PLEKHO2: variants seen among roughly 807,000 people sequenced by gnomAD.
The protein encoded by PLEKHO2 is pleckstrin homology domain containing O2, also known as pleckstrin homology domain-containing family O member 2.
Under a neutral mutation model 32.7 loss-of-function variants are expected in PLEKHO2, and 20 were observed. The observed-to-expected ratio is 0.61, with a 90% confidence interval of 0.43 to 0.89. The LOEUF is 0.89. Ranked by LOEUF, PLEKHO2 falls within the 40% of genes least tolerant of loss-of-function variation. The probability of loss-of-function intolerance (pLI) is 0.00; values close to 1 mark genes in which losing one functional copy is unlikely to be tolerated. For synonymous variants in PLEKHO2, 247 were observed against 246.3 expected (o/e 1.00, Z -0.03); for missense variants, 568 against 621.2 (o/e 0.91, Z 0.91).
At position 64,867,548 on chromosome 15, in the gene PLEKHO2, C is replaced by T. The variant is rs1567100009; in HGVS notation, c.*1660C>T. On this transcript the variant is annotated 3_prime_UTR_variant, in exon 6 of 6. Coordinates refer to ENST00000323544, the MANE Select transcript of PLEKHO2 (RefSeq NM_025201.5). ...GCCCAGTCATGTGATCCCCTGCCAT[C>T]TTGCCTTAGGAACAGCCTTCCCCCA... 6.6e-6 allele frequency: 1 copy of T among 152,296 alleles called. No individual in the cohort carries two copies. The highest frequency in any genetic ancestry group is 1.5e-5 in the Non-Finnish European group (1 of 68,076). The allele number at this position is 152,296 out of a possible 1,614,324, so 9.4% of individuals were successfully genotyped here.
chr15:64,854,985 C>T lies in PLEKHO2; in HGVS notation c.227C>T (p.Ala76Val), dbSNP rs2084596846. ...GSYEKCQDLR[A>V]LLKRKHRFIL... The stretch of plus-strand genomic sequence containing the variant: ...TATGAGAAGTGCCAGGACCTTCGTG[C>T]CCTCCTCAAGCGAAAACACCGCTTT... Residue 76 changes from alanine (A) to valine (V), a missense_variant, in exon 3 of 6, where the codon GCC (alanine) becomes GTC (valine). Physicochemically the swap from Ala to Val is moderately conservative, Grantham distance 64. Coordinates refer to ENST00000323544, the MANE Select transcript of PLEKHO2 (RefSeq NM_025201.5). 2 of 1,607,682 alleles carry T rather than the reference C, an allele frequency of 1.2e-6. No homozygotes were observed. Among genetic ancestry groups the T allele is most frequent in the South Asian group, 2.2e-5 (2 of 89,470 alleles).
Position 64,865,139 on chromosome 15 carries a change from C to G in PLEKHO2, c.724C>G (p.Pro242Ala). ...TGTCTCAGCAAGCTCTGAGGTCTCC[C>G]CTGAGAGCCAAGAGGACTCAGAGAC... The part of the protein sequence containing the change: ...TPVSASSEVS[P>A]ESQEDSETPA... Residue 242 changes from proline (P) to alanine (A), a missense_variant, in exon 6 of 6, where the codon CCT becomes GCT. Coordinates refer to ENST00000323544, the MANE Select transcript of PLEKHO2 (RefSeq NM_025201.5). The G allele has an allele frequency of 6.2e-7, 1 of 1,614,106 alleles. No homozygotes were observed. Among genetic ancestry groups the G allele is most frequent in the Non-Finnish European group, 8.5e-7 (1 of 1,180,000 alleles).
chr15:64,857,516 G>T (rs1475398886), intron 3 of PLEKHO2, among the ~76,000 whole-genome samples: 1 of 152,126 alleles, frequency 6.6e-6, no homozygotes, highest in East Asian at 1.9e-4. Context: ...CATATTTTTT[G>T]TAGAGATGGG....
rs140165729 is a variant in PLEKHO2 at position 64,864,023 on chromosome 15, G to A, written c.484-876G>A. Among the ~76,000 whole-genome samples, 1,257 of 152,208 alleles carry A rather than the reference G, an allele frequency of 8.3e-3. 15 individuals are homozygous for A. The highest frequency in any genetic ancestry group is 0.029 in the African/African-American group (1,184 of 41,532). The stretch of plus-strand genomic sequence containing the variant: ...CTCCCAAAGTGCTGGGATTATAGGC[G>A]TGAGCCACTGCACCCAGCCAGCCCC... On this transcript the variant is annotated intron_variant, in intron 5 of 5. Transcript: ENST00000323544.
intron 3 of PLEKHO2, among the ~76,000 whole-genome samples, chr15:64,858,206 A>C (rs1231196644): frequency 1.3e-5 from 2 of 152,254 alleles, no homozygotes; most frequent in Non-Finnish European, 2.9e-5. Flanking sequence ...TTCCAGGATC[A>C]AATTTACCCT....
rs2084698338 is a variant in PLEKHO2 at position 64,867,583 on chromosome 15, A to G, written c.*1695A>G. The G allele has an allele frequency of 6.6e-6, 1 of 152,274 alleles. No individual in the cohort carries two copies. Among genetic ancestry groups the G allele is most frequent in the Admixed American group, 6.5e-5 (1 of 15,286 alleles). 9.4% of individuals were successfully genotyped at this position (152,274 alleles called of 1,614,324 possible). ...GAACAGCCTTCCCCCACCAGCAGCC[A>G]TGGCTGGCTGGGGCTTTAGCCAAGC... On this transcript the variant is annotated 3_prime_UTR_variant, in exon 6 of 6. Transcript: ENST00000323544.
At chr15:64,860,994 C>T (rs555590164) in intron 4 of PLEKHO2, among the ~76,000 whole-genome samples, 2 of 152,248 alleles carry the variant, frequency 1.3e-5, no homozygotes, top group African/African-American at 4.8e-5. Context: ...AATCCTGACC[C>T]CTTCTGTTAC....
intron 5 of PLEKHO2, among the ~76,000 whole-genome samples, chr15:64,862,156 G>A (rs965208860): frequency 6.6e-6 from 1 of 152,120 alleles, no homozygotes; most frequent in African/African-American, 2.4e-5. Context: ...TGAGAAGGGG[G>A]TTGTGGGGAG....
chr15:64,857,791 A>G (rs1107528), intron 3 of PLEKHO2, among the ~76,000 whole-genome samples: 55,658 of 152,112 alleles, frequency 0.37, 11,014 homozygotes, highest in South Asian at 0.46. Flanking sequence ...CCAGTGGGGA[A>G]GGAGCTGCAG....
At chr15:64,844,452 T>C (rs181558738) in intron 1 of PLEKHO2, among the ~76,000 whole-genome samples, 81 of 152,234 alleles carry the variant, frequency 5.3e-4, no homozygotes, top group African/African-American at 1.9e-3. Flanking sequence ...TCAGTGGGGG[T>C]ATTATTGCTG....
chr15:64,866,044 C>T lies in PLEKHO2; in HGVS notation c.*156C>T, dbSNP rs543535809. 18 of 990,532 alleles carry T rather than the reference C, an allele frequency of 1.8e-5. No individual in the cohort carries two copies. The Admixed American group carries it at 4.0e-4, about 22-fold the overall frequency. 61.4% of individuals were successfully genotyped at this position (990,532 alleles called of 1,614,324 possible). A position where few individuals can be genotyped will look rare whatever the true frequency, so the allele number is the denominator to read the frequency against. On this transcript the variant is annotated 3_prime_UTR_variant, in exon 6 of 6. Transcript: ENST00000323544. The stretch of plus-strand genomic sequence containing the variant: ...GGCCATGACCCGAAGAGACTCCTGG[C>T]GTCCTTCCTACTCTGCTCTGGCCAG...
At chr15:64,858,052 T>G (rs1243036576) in intron 3 of PLEKHO2, among the ~76,000 whole-genome samples, 1 of 152,152 alleles carries the variant, frequency 6.6e-6, no homozygotes, top group Non-Finnish European at 1.5e-5. Context: ...AGACTCCCTT[T>G]CTAGCAGGTC....
In PLEKHO2 at chr15:64,865,153, G is replaced by C; in HGVS notation, c.738G>C (p.Glu246Asp). The C allele has an allele frequency of 6.2e-7, 1 of 1,614,138 alleles. No homozygotes were observed. The highest frequency in any genetic ancestry group is 1.7e-5 in the Admixed American group (1 of 60,026). The change falls in exon 6 of 6, where the codon GAG becomes GAC. Residue 246 changes from glutamate (E) to aspartate (D), a missense_variant. By Grantham distance (45) the Glu-to-Asp change is conservative (BLOSUM62 2). Transcript: ENST00000323544. ...CTGAGGTCTCCCCTGAGAGCCAAGA[G>C]GACTCAGAGACCCCAGCAGAGGAGG... ...ASSEVSPESQ[E>D]DSETPAEEDS...
chr15:64,859,315 G>T (rs1213642025), intron 3 of PLEKHO2, among the ~76,000 whole-genome samples: 7 of 152,250 alleles, frequency 4.6e-5, no homozygotes, highest in African/African-American at 1.7e-4. Context: ...TTTTACAGTT[G>T]AAGAAACTGA....
At position 64,867,239 on chromosome 15, in the gene PLEKHO2, A is replaced by ACATG. The variant is rs1160547082; in HGVS notation, c.*1353_*1356dup. ...AGAGAGAAAGGGGGGGGTCACAGCA[A>ACATG]CATGCCCTGGCCTTTCTGCTCTGTT... is the stretch of plus-strand genomic sequence containing the variant. On this transcript the variant is annotated 3_prime_UTR_variant, in exon 6 of 6. Transcript: ENST00000323544. 3.1e-4 allele frequency: 48 copies of ACATG among 152,916 alleles called. No individual in the cohort carries two copies. Among genetic ancestry groups the ACATG allele is most frequent in the Non-Finnish European group, 1.8e-4 (12 of 68,170 alleles). 9.5% of individuals were successfully genotyped at this position (152,916 alleles called of 1,614,324 possible). A position where few individuals can be genotyped will look rare whatever the true frequency, so the allele number is the denominator to read the frequency against.
intron 4 of PLEKHO2, among the ~76,000 whole-genome samples, chr15:64,861,043 CA>C (rs1437739157): frequency 6.6e-6 from 1 of 152,268 alleles, no homozygotes; most frequent in Non-Finnish European, 1.5e-5. Context: ...CTCCCAGACT[CA>C]AGGGGCAGAG....
intron 1 of PLEKHO2, 144 bp from the exon 2 acceptor site, chr15:64,848,449 G>A: frequency 1.1e-6 from 1 of 885,778 alleles, no homozygotes; most frequent in South Asian, 1.7e-5. Context: ...AGGAATATCT[G>A]CCTTGGGGGT....
intron 1 of PLEKHO2, among the ~76,000 whole-genome samples, chr15:64,844,250 T>C (rs959230280): frequency 5.9e-5 from 9 of 152,212 alleles, no homozygotes; most frequent in African/African-American, 2.2e-4. Flanking sequence ...TCAGCCTCAG[T>C]GACCTCCTCT....
intron 5 of PLEKHO2, among the ~76,000 whole-genome samples, chr15:64,864,412 A>G (rs1195423280): frequency 6.6e-6 from 1 of 152,172 alleles, no homozygotes; most frequent in East Asian, 1.9e-4. Flanking sequence ...TGAGCTTGAG[A>G]TGAACTGGAA....
Sources: allele counts gnomAD v4.1 joint callset (sites outside exome capture counted in the v4.1 genomes callset), GRCh38; gene constraint gnomAD v4.1.1; transcripts MANE v1.5; gene names NCBI Gene and HGNC (gene_info 2026-07-23, HGNC 2026-07-21).